The following CPT1A variants were observed in gnomAD, a reference collection of about 807,000 sequenced individuals.
CPT1A encodes carnitine palmitoyltransferase 1A, also known as carnitine O-palmitoyltransferase 1, liver isoform.
A neutral mutation model predicts 100.8 loss-of-function variants in CPT1A; 64 were observed. That is an observed-to-expected ratio of 0.63 (90% CI 0.52 to 0.78). The LOEUF (loss-of-function observed/expected upper bound fraction) is 0.78, where lower values mean the gene tolerates loss of function less well. Ranked by LOEUF, CPT1A falls within the 30% of genes least tolerant of loss-of-function variation. The pLI, the probability that CPT1A is intolerant of heterozygous loss-of-function variation, is 0.00. For synonymous variants in CPT1A, 363 were observed against 396.0 expected (o/e 0.92, Z 0.99); for missense variants, 802 against 1,034.1 (o/e 0.78, Z 3.08).
chr11:68,835,374 G>A (rs765265685), intron 1 of CPT1A, among the ~76,000 whole-genome samples: 8 of 152,156 alleles, frequency 5.3e-5, no homozygotes, highest in South Asian at 2.1e-4. Context: ...CAACAGGAGC[G>A]GTGTCCCCTG....
At chr11:68,826,834 C>T (rs529282118) in intron 1 of CPT1A, among the ~76,000 whole-genome samples, 2 of 152,256 alleles carry the variant, frequency 1.3e-5, no homozygotes, top group Admixed American at 6.5e-5. Context: ...GGGTCTGCGG[C>T]CTCACCACAC....
chr11:68,764,536 C>T (rs7942391), intron 14 of CPT1A, among the ~76,000 whole-genome samples: 1,578 of 152,050 alleles, frequency 0.01, 28 homozygotes, highest in African/African-American at 0.033. Flanking sequence ...AACGGGGAGC[C>T]GGACAGAGCA....
intron 10 of CPT1A, among the ~76,000 whole-genome samples, chr11:68,782,515 C>T (rs544654457): frequency 2.0e-4 from 30 of 152,344 alleles, no homozygotes; most frequent in Non-Finnish European, 3.5e-4. Flanking sequence ...CATCAGCCCC[C>T]AGGTGCATTC....
At chr11:68,840,702 G>C (rs1278145447) in intron 1 of CPT1A, among the ~76,000 whole-genome samples, 1 of 152,212 alleles carries the variant, frequency 6.6e-6, no homozygotes, top group Non-Finnish European at 1.5e-5. Context: ...TTTAACGAAA[G>C]CCAAGGGCGG....
chr11:68,840,522 C>A (rs75568916), intron 1 of CPT1A, among the ~76,000 whole-genome samples: 2,400 of 152,274 alleles, frequency 0.016, 71 homozygotes, highest in African/African-American at 0.054. Flanking sequence ...CTAAAATCTG[C>A]CCTTAAATAT....
intron 1 of CPT1A, among the ~76,000 whole-genome samples, chr11:68,816,896 G>A (rs1856417504): frequency 1.1e-5 from 1 of 91,058 alleles, no homozygotes; most frequent in African/African-American, 3.4e-5. Context: ...TGTGTGTGGT[G>A]TGTGTGGGTG....
intron 14 of CPT1A, among the ~76,000 whole-genome samples, chr11:68,768,483 A>G (rs1364772185): frequency 1.3e-5 from 2 of 151,780 alleles, no homozygotes; most frequent in Admixed American, 1.3e-4. Flanking sequence ...TTGGCGGCTC[A>G]CTGCAACCTC....
intron 1 of CPT1A, among the ~76,000 whole-genome samples, chr11:68,831,957 T>G (rs1442188237): frequency 6.6e-6 from 1 of 152,042 alleles, no homozygotes; most frequent in Non-Finnish European, 1.5e-5. Context: ...TACCAAACCC[T>G]TTGGCATATG....
At position 68,807,494 on chromosome 11, in the gene CPT1A, C is replaced by G; in HGVS notation, c.426G>C (p.Lys142Asn). Reference sequence around the variant, plus strand: ...TCCAGATCTTGGTGGCACGACTCATCTTGCCGTGCTCAGTGAACATCCACC... The same window carrying G: ...TCCAGATCTTGGTGGCACGACTCATGTTGCCGTGCTCAGTGAACATCCACC... ...YHGWMFTEHG[K>N]MSRATKIWMG... Residue 142 changes from lysine to asparagine, a missense_variant, in exon 4 of 19, where the codon AAG (lysine) becomes AAC (asparagine). Coordinates refer to ENST00000265641, the MANE Select transcript of CPT1A (RefSeq NM_001876.4). The G allele has an allele frequency of 6.2e-7, 1 of 1,614,194 alleles. No homozygotes were observed. The highest frequency in any genetic ancestry group is 8.5e-7 in the Non-Finnish European group (1 of 1,180,028).
Position 68,841,847 on chromosome 11 carries a change from G to T in CPT1A, c.-86C>A. Reference sequence around the variant, plus strand: ...GGCGGCGGCGGTGGAGTGAACGAGCGGCGAGCGGGAGCCGGGGAAGGAGGG... The same window carrying T: ...GGCGGCGGCGGTGGAGTGAACGAGCTGCGAGCGGGAGCCGGGGAAGGAGGG... On this transcript the variant is annotated 5_prime_UTR_variant, in exon 1 of 19. Transcript: ENST00000265641. This position sits in a 1 kb window ranked among gnomAD's most constrained non-coding sequence, Gnocchi z 6.3. 1.0e-6 allele frequency: 1 copy of T among 994,786 alleles called. No individual in the cohort carries two copies. The highest frequency in any genetic ancestry group is 1.2e-6 in the Non-Finnish European group (1 of 838,334). 61.6% of individuals were successfully genotyped at this position (994,786 alleles called of 1,614,324 possible). A position where few individuals can be genotyped will look rare whatever the true frequency, so the allele number is the denominator to read the frequency against.
At chr11:68,779,497 A>AG (rs1356878284) in intron 12 of CPT1A, among the ~76,000 whole-genome samples, 1 of 149,776 alleles carries the variant, frequency 6.7e-6, no homozygotes, top group Non-Finnish European at 1.5e-5. Flanking sequence ...TTATTAAAAA[A>AG]AAAAAAAAAA....
intron 17 of CPT1A, 95 bp from the exon 18 acceptor site, chr11:68,759,756 G>A (rs759250404): frequency 4.2e-5 from 39 of 923,580 alleles, no homozygotes; most frequent in Non-Finnish European, 6.5e-5. Flanking sequence ...GGCGGGGCTC[G>A]GTGGCTTCTC....
chr11:68,807,402 G>C lies in CPT1A; in HGVS notation c.453+65C>G, dbSNP rs552080373. On this transcript the variant is annotated intron_variant, in intron 4 of 18. Coordinates refer to ENST00000265641, the MANE Select transcript of CPT1A (RefSeq NM_001876.4). ...AGGTCGCAGGGGTGTCCTTCCGCAG[G>C]GGTGTCCTTCTTCCCAAAGCCCAAA... 192 of 1,510,944 alleles carry C rather than the reference G, an allele frequency of 1.3e-4. 5 individuals carry two copies. The South Asian group carries it at 2.1e-3, about 16-fold the overall frequency. 93.6% of individuals were successfully genotyped at this position (1,510,944 alleles called of 1,614,324 possible). A position where few individuals can be genotyped will look rare whatever the true frequency, so the allele number is the denominator to read the frequency against.
intron 13 of CPT1A, among the ~76,000 whole-genome samples, chr11:68,774,784 AAAAAAAAAAAAAAAAG>A (rs1262554168): frequency 6.7e-6 from 1 of 149,504 alleles, no homozygotes; most frequent in African/African-American, 2.4e-5. Context: ...TACATCTCAA[AAAAAAAAAAAAAAAAG>A]AAAAAGAAAA....
At chr11:68,787,942 C>CAA (rs58079850) in intron 9 of CPT1A, among the ~76,000 whole-genome samples, 19 of 45,526 alleles carry the variant, frequency 4.2e-4, no homozygotes, top group African/African-American at 7.1e-4. Context: ...GACTCAGTCT[C>CAA]AAAAAAAAAA....
chr11:68,783,839 C>G (rs1041754426), intron 10 of CPT1A, among the ~76,000 whole-genome samples: 4 of 152,188 alleles, frequency 2.6e-5, no homozygotes, highest in African/African-American at 9.6e-5. Flanking sequence ...ACACACCACA[C>G]CTGCGAGAAA....
At chr11:68,815,240 C>T (rs1856351009) in intron 2 of CPT1A, 94 bp downstream of exon 2, 1 of 1,301,722 alleles carries the variant, frequency 7.7e-7, no homozygotes, top group Non-Finnish European at 1.1e-6. Context: ...TATGCAGTCG[C>T]CAGTCTGAAA....
chr11:68,822,564 C>G (rs1186449165), intron 1 of CPT1A, among the ~76,000 whole-genome samples: 8 of 151,728 alleles, frequency 5.3e-5, no homozygotes, highest in African/African-American at 1.9e-4. Context: ...GAAAAATAGA[C>G]TTACCATACG....
Position 68,759,608 on chromosome 11 carries a change from G to T in CPT1A, c.2196C>A (p.Ile732=). 6.2e-7 allele frequency: 1 copy of T among 1,613,800 alleles called. No individual in the cohort carries two copies. The highest frequency in any genetic ancestry group is 1.1e-5 in the South Asian group (1 of 91,070). ...AGAACTTGGAAGAAATGTGGAAATT[G>T]ATGAGGTTCTCTCCCACAAGGATGT... ...VSYILVGENL[I]NFHISSKFSC... Residue 732 remains isoleucine (I), a synonymous_variant, in exon 18 of 19, where the codon ATC becomes ATA. Transcript: ENST00000265641.
Sources: gnomAD v4.1 joint callset for allele counts (sites outside exome capture counted in the v4.1 genomes callset) on GRCh38, gnomAD v4.1.1 for gene constraint, Gnocchi (gnomAD v3.1) non-coding constraint, MANE v1.5 for transcripts, NCBI Gene and HGNC (gene_info 2026-07-23, HGNC 2026-07-21) for gene names.